The following CDKAL1 variants were observed in gnomAD, a reference collection of about 807,000 sequenced individuals.
The protein encoded by CDKAL1 is CDKAL1 threonylcarbamoyladenosine tRNA methylthiotransferase.
A neutral mutation model predicts 68.2 loss-of-function variants in CDKAL1; 32 were observed. The ratio of observed to expected loss-of-function variants is 0.47; its 90% confidence interval spans 0.35 to 0.63. The LOEUF (loss-of-function observed/expected upper bound fraction) is 0.63, where lower values mean the gene tolerates loss of function less well. Among genes scored for constraint, CDKAL1 ranks in the 30% least tolerant of loss-of-function variants. CDKAL1 has a pLI of 0.00. For missense variants in CDKAL1, 606 were observed against 696.7 expected (o/e 0.87, Z 1.47); for synonymous variants, 234 against 244.3 (o/e 0.96, Z 0.39).
intron 9 of CDKAL1, among the ~76,000 whole-genome samples, chr6:20,946,593 CTTTTTTT>C (rs11361870): frequency 1.1e-5 from 1 of 91,234 alleles, no homozygotes; most frequent in African/African-American, 4.1e-5. Context: ...CAATCCATAC[CTTTTTTT>C]TTTTTTTTTT....
chr6:20,748,125 C>T (rs1246358599), intron 6 of CDKAL1, among the ~76,000 whole-genome samples: 2 of 152,104 alleles, frequency 1.3e-5, no homozygotes, highest in Non-Finnish European at 2.9e-5. Context: ...CCACAGGAGA[C>T]TCTGAATAGC....
intron 5 of CDKAL1, 29 bp downstream of exon 5, chr6:20,649,406 T>A: frequency 7.8e-7 from 1 of 1,282,556 alleles, no homozygotes; most frequent in Non-Finnish European, 1.1e-6. Flanking sequence ...TTTCCTATTT[T>A]GTATAATCAA....
At chr6:20,764,242 G>T (rs1160461545) in intron 7 of CDKAL1, among the ~76,000 whole-genome samples, 1 of 152,010 alleles carries the variant, frequency 6.6e-6, no homozygotes, top group Non-Finnish European at 1.5e-5. Flanking sequence ...TTTACCTATC[G>T]ACATTAGAAA....
chr6:20,860,763 G>T (rs546896956), intron 9 of CDKAL1, among the ~76,000 whole-genome samples: 1 of 152,124 alleles, frequency 6.6e-6, no homozygotes, highest in African/African-American at 2.4e-5. Flanking sequence ...GGTGGAGGTT[G>T]CAGGGAGATG....
At chr6:20,902,333 ACACACACACACACACACACACACAC>A in intron 9 of CDKAL1, among the ~76,000 whole-genome samples, 1 of 150,646 alleles carries the variant, frequency 6.6e-6, no homozygotes, top group South Asian at 2.1e-4. Context: ...ACACACACAC[ACACACACACACACACACACACACAC>A]AATGTGTTTA....
chr6:21,062,060 C>T (rs1370334161), intron 11 of CDKAL1, among the ~76,000 whole-genome samples: 1 of 152,054 alleles, frequency 6.6e-6, no homozygotes, highest in Admixed American at 6.5e-5. Context: ...CACTATGACC[C>T]TTAAGGCCAA....
At position 20,600,144 on chromosome 6, in the gene CDKAL1, T is replaced by G. The variant is rs550072279; in HGVS notation, c.287-49149T>G. Among the ~76,000 whole-genome samples, 4 of 152,322 alleles carry G rather than the reference T, an allele frequency of 2.6e-5. No individual in the cohort carries two copies. In the East Asian group the frequency reaches 7.7e-4, roughly 29 times the overall value. ...GCACTTTATATTGGCTCTTGCTTTA[T>G]TGTAGCCTTTATCCATTAATCTGCT... On this transcript the variant is annotated intron_variant, in intron 4 of 15. Coordinates refer to ENST00000274695, the MANE Select transcript of CDKAL1 (RefSeq NM_017774.3).
intron 8 of CDKAL1, among the ~76,000 whole-genome samples, chr6:20,818,837 AGAGAG>A (rs2150437177): frequency 6.6e-6 from 1 of 152,030 alleles, no homozygotes; most frequent in Admixed American, 6.6e-5. Flanking sequence ...GGGGAGTAGT[AGAGAG>A]GTTCATTGTT....
intron 4 of CDKAL1, among the ~76,000 whole-genome samples, chr6:20,552,618 A>AT (rs11320714): frequency 1.1e-3 from 147 of 139,218 alleles, no homozygotes; most frequent in African/African-American, 3.0e-3. Flanking sequence ...TTGAATGGGA[A>AT]TTTTTTTTTT....
At chr6:20,772,134 T>A (rs9465888) in intron 7 of CDKAL1, among the ~76,000 whole-genome samples, 60,147 of 152,050 alleles carry the variant, frequency 0.4, 12,153 homozygotes, top group Non-Finnish European at 0.43. Context: ...CTGGCTACAG[T>A]ATCTTTGGGA....
rs146215704 is a variant in CDKAL1 at position 20,580,433 on chromosome 6, C to A, written c.286+31728C>A. Among the ~76,000 whole-genome samples the A allele has an allele frequency of 2.0e-3, 307 of 152,186 alleles. 2 individuals are homozygous for A. The highest frequency in any genetic ancestry group is 0.01 in the Middle Eastern group (3 of 294). On this transcript the variant is annotated intron_variant, in intron 4 of 15. Transcript: ENST00000274695. ...TCCTCCCGTGTCTGCTTGTGACATT[C>A]TGCATTTGGGAGTCTCAGGATGCAT...
chr6:20,769,948 G>A (rs1198035199), intron 7 of CDKAL1, among the ~76,000 whole-genome samples: 1 of 152,162 alleles, frequency 6.6e-6, no homozygotes, highest in African/African-American at 2.4e-5. Flanking sequence ...AAATGAGAAA[G>A]TGAGGCCCAT....
chr6:20,787,578 A>C (rs1775728692), intron 8 of CDKAL1, among the ~76,000 whole-genome samples: 1 of 152,186 alleles, frequency 6.6e-6, no homozygotes, highest in South Asian at 2.1e-4. Flanking sequence ...TGGTGAAATC[A>C]AACTTTGTAT....
intron 4 of CDKAL1, among the ~76,000 whole-genome samples, chr6:20,630,392 G>C (rs1198301282): frequency 6.6e-6 from 1 of 152,056 alleles, no homozygotes; most frequent in Non-Finnish European, 1.5e-5. Context: ...GCTTTTATCA[G>C]TCCCACCTAT....
chr6:21,206,390 C>G (rs1210915890), intron 15 of CDKAL1, among the ~76,000 whole-genome samples: 2 of 152,116 alleles, frequency 1.3e-5, no homozygotes, highest in Non-Finnish European at 2.9e-5. Context: ...GTGAACATTA[C>G]TGCTGTCTGT....
intron 12 of CDKAL1, among the ~76,000 whole-genome samples, chr6:21,072,550 G>A (rs1195144514): frequency 4.9e-4 from 33 of 66,824 alleles, no homozygotes; most frequent in African/African-American, 2.5e-3. Context: ...GCGAGACTCC[G>A]TCTCAAAAAA....
chr6:20,756,866 T>TCTCCCCTC (rs1554115759), intron 6 of CDKAL1: 5 of 46,540 alleles, frequency 1.1e-4, no homozygotes, highest in African/African-American at 4.8e-4. Flanking sequence ...CTTCCTTCCT[T>TCTCCCCTC]CCTTCCTTCC....
At chr6:20,545,909 A>G (rs994679188) in intron 2 of CDKAL1, among the ~76,000 whole-genome samples, 9 of 152,254 alleles carry the variant, frequency 5.9e-5, no homozygotes, top group African/African-American at 2.2e-4. Flanking sequence ...ACTTCTTCAT[A>G]TTATCTAATA....
intron 10 of CDKAL1, among the ~76,000 whole-genome samples, chr6:20,960,521 T>C (rs1436880496): frequency 6.6e-6 from 1 of 152,234 alleles, no homozygotes; most frequent in Non-Finnish European, 1.5e-5. Context: ...TGCATCATGA[T>C]TACTTATTTA....
Sources: allele counts gnomAD v4.1 joint callset (sites outside exome capture counted in the v4.1 genomes callset), GRCh38; gene constraint gnomAD v4.1.1; transcripts MANE v1.5; gene names NCBI Gene and HGNC (gene_info 2026-07-23, HGNC 2026-07-21).